Variants in SEMA5A observed in about 807,000 individuals in gnomAD.
The protein encoded by SEMA5A is semaphorin 5A, also known as semaphorin-5A.
Under a neutral mutation model 135.5 loss-of-function variants are expected in SEMA5A, and 55 were observed. The observed-to-expected ratio is 0.41, with a 90% CI of 0.33 to 0.51. The LOEUF (loss-of-function observed/expected upper bound fraction) is 0.51, where lower values mean the gene tolerates loss of function less well. SEMA5A is among the 20% of genes least tolerant of loss of function. The probability of loss-of-function intolerance (pLI) is 0.37; values close to 1 mark genes in which losing one functional copy is unlikely to be tolerated. For synonymous variants in SEMA5A, 580 were observed against 546.5 expected (o/e 1.06, Z -0.85); for missense variants, 1,290 against 1,419.9 (o/e 0.91, Z 1.47).
At position 9,048,351 on chromosome 5, in the gene SEMA5A, A is replaced by C. The variant is rs115911204; in HGVS notation, c.2893+2059T>G. On this transcript the variant is annotated intron_variant, in intron 21 of 22. Coordinates refer to ENST00000382496, the MANE Select transcript of SEMA5A (RefSeq NM_003966.3). ...CCTCTAAGTCTCATGGTCTCCATTT[A>C]TAAAATGCAGATTAAATACATAAGC... Among the ~76,000 whole-genome samples, 919 of 152,320 alleles carry C rather than the reference A, an allele frequency of 6.0e-3. 9 individuals carry two copies. The highest frequency in any genetic ancestry group is 0.021 in the African/African-American group (877 of 41,576).
intron 4 of SEMA5A, among the ~76,000 whole-genome samples, chr5:9,332,517 T>G (rs112337690): frequency 0.014 from 2,120 of 150,022 alleles, 41 homozygotes; most frequent in East Asian, 0.06. Flanking sequence ...CATGCAGCTA[T>G]GGGCTGGCAC....
At chr5:9,357,076 T>G (rs751230062) in intron 3 of SEMA5A, among the ~76,000 whole-genome samples, 3 of 152,212 alleles carry the variant, frequency 2.0e-5, no homozygotes, top group Non-Finnish European at 4.4e-5. Flanking sequence ...GTTTCCTACC[T>G]GAAGGTCACA....
intron 2 of SEMA5A, among the ~76,000 whole-genome samples, chr5:9,433,952 TACAATA>T (rs1483356435): frequency 6.6e-6 from 1 of 152,194 alleles, no homozygotes; most frequent in East Asian, 1.9e-4. Flanking sequence ...AAGAAAGTAT[TACAATA>T]ACAATTGCTA....
intron 6 of SEMA5A, among the ~76,000 whole-genome samples, chr5:9,230,939 A>T (rs1680790477): frequency 6.6e-6 from 1 of 152,210 alleles, no homozygotes; most frequent in Non-Finnish European, 1.5e-5. Flanking sequence ...CATCTCACGT[A>T]CTTCCCGTTC....
chr5:9,393,500 G>A (rs927194369), intron 2 of SEMA5A, among the ~76,000 whole-genome samples: 6 of 152,208 alleles, frequency 3.9e-5, no homozygotes, highest in South Asian at 2.1e-4. Flanking sequence ...TCAAATCTTC[G>A]CTCCACCATT....
chr5:9,520,488 G>C (rs1736767403), intron 1 of SEMA5A, among the ~76,000 whole-genome samples: 1 of 152,146 alleles, frequency 6.6e-6, no homozygotes, highest in Non-Finnish European at 1.5e-5. Context: ...AGGGTGGGTA[G>C]GGGGAGGACA....
intron 1 of SEMA5A, among the ~76,000 whole-genome samples, chr5:9,482,609 T>G (rs1742360797): frequency 6.6e-6 from 1 of 152,188 alleles, no homozygotes; most frequent in African/African-American, 2.4e-5. Flanking sequence ...AGCCCTTACC[T>G]GTGGTGTGTG....
intron 16 of SEMA5A, among the ~76,000 whole-genome samples, chr5:9,080,880 G>A (rs965457844): frequency 3.3e-5 from 5 of 152,184 alleles, no homozygotes; most frequent in East Asian, 1.9e-4. Context: ...AAGAAACCCC[G>A]AGATTCCCAC....
chr5:9,384,675 T>G lies in SEMA5A; in HGVS notation c.-77-4652A>C, dbSNP rs781232018. Among the ~76,000 whole-genome samples, 436 of 64,052 alleles carry G rather than the reference T, an allele frequency of 6.8e-3. 15 individuals carry two copies. Among genetic ancestry groups the G allele is most frequent in the African/African-American group, 0.011 (187 of 16,796 alleles). 42.0% of individuals were successfully genotyped at this position (64,052 alleles called of 152,430 possible). A position where few individuals can be genotyped will look rare whatever the true frequency, so the allele number is the denominator to read the frequency against. ...AGATAGATAGATATAGATAGATAGA[T>G]ATAGATAGATAGATAGATAGATAGA... On this transcript the variant is annotated intron_variant, in intron 2 of 22. Coordinates refer to ENST00000382496, the MANE Select transcript of SEMA5A (RefSeq NM_003966.3).
chr5:9,265,200 G>C (rs1414014950), intron 5 of SEMA5A, among the ~76,000 whole-genome samples: 2 of 152,064 alleles, frequency 1.3e-5, no homozygotes, highest in Non-Finnish European at 2.9e-5. Flanking sequence ...CTCCACGGTC[G>C]TGTGCTAGCT....
In SEMA5A at chr5:9,040,888, TG is replaced by T. The variant is rs1259815987; in HGVS notation, c.*2008del. 10 of 152,182 alleles carry T rather than the reference TG, an allele frequency of 6.6e-5. No homozygotes were observed. The highest frequency in any genetic ancestry group is 2.4e-4 in the African/African-American group (10 of 41,446). The allele number at this position is 152,182 out of a possible 1,614,324, so 9.4% of individuals were successfully genotyped here. ...ACTAAAATGTGCTACAAAGTGAAAA[TG>T]TTTTTTTCTTACAAGAAACTGATGA... is the stretch of plus-strand genomic sequence containing the variant. On this transcript the variant is annotated 3_prime_UTR_variant, in exon 23 of 23. Coordinates refer to ENST00000382496, the MANE Select transcript of SEMA5A (RefSeq NM_003966.3).
At position 9,054,202 on chromosome 5, in the gene SEMA5A, G is replaced by A. The variant is rs560391510; in HGVS notation, c.2574C>T (p.Gly858=). ...SPWTKCSATC[G]GGHYMRTRSC... is the part of the protein sequence containing the mutation. ...AGCGGGTCCTCATATAGTGTCCACC[G>A]CCGCATGTTGCTGAACATTTTGTCC... is the stretch of plus-strand genomic sequence containing the variant. Residue 858 remains glycine, a synonymous_variant, in exon 19 of 23, where the codon GGC becomes GGT. Coordinates refer to ENST00000382496, the MANE Select transcript of SEMA5A (RefSeq NM_003966.3). 5.8e-5 allele frequency: 93 copies of A among 1,613,958 alleles called. No homozygotes were observed. The highest frequency in any genetic ancestry group is 4.2e-4 in the South Asian group (38 of 91,046).
intron 1 of SEMA5A, among the ~76,000 whole-genome samples, chr5:9,478,229 G>A (rs147263897): frequency 3.9e-4 from 60 of 152,336 alleles, no homozygotes; most frequent in African/African-American, 1.4e-3. Context: ...TGGATGTCGA[G>A]GCATAAGTCA....
At chr5:9,359,071 T>TCAG (rs1359666343) in intron 3 of SEMA5A, among the ~76,000 whole-genome samples, 1 of 151,998 alleles carries the variant, frequency 6.6e-6, no homozygotes, top group East Asian at 1.9e-4. Flanking sequence ...CCCCAGATCC[T>TCAG]CAGCAGCAGC....
At chr5:9,188,247 G>A (rs1228965739) in intron 11 of SEMA5A, among the ~76,000 whole-genome samples, 1 of 152,222 alleles carries the variant, frequency 6.6e-6, no homozygotes, top group Admixed American at 6.5e-5. Context: ...ACCAGGAAAT[G>A]AGTCATCAGC....
intron 8 of SEMA5A, among the ~76,000 whole-genome samples, chr5:9,210,858 G>A (rs150078459): frequency 3.7e-4 from 56 of 152,238 alleles, no homozygotes; most frequent in African/African-American, 1.1e-3. Flanking sequence ...TAGCTACTGC[G>A]ACTCTTCCTT....
Position 9,042,712 on chromosome 5 carries a change from T to C in SEMA5A, c.*185A>G. 1.6e-6 allele frequency: 1 copy of C among 620,772 alleles called. No homozygotes were observed. Among genetic ancestry groups the C allele is most frequent in the Admixed American group, 3.4e-5 (1 of 29,522 alleles). 38.5% of individuals were successfully genotyped at this position (620,772 alleles called of 1,614,324 possible). On this transcript the variant is annotated 3_prime_UTR_variant, in exon 23 of 23. Coordinates refer to ENST00000382496, the MANE Select transcript of SEMA5A (RefSeq NM_003966.3). Reference sequence around the variant, plus strand: ...AACAATGGTCAAGATTTTCACGATGTCTTATTTCAATTTTTGTTGCTTTTA... The same window carrying C: ...AACAATGGTCAAGATTTTCACGATGCCTTATTTCAATTTTTGTTGCTTTTA...
intron 1 of SEMA5A, among the ~76,000 whole-genome samples, chr5:9,488,859 C>T (rs985176108): frequency 1.3e-5 from 2 of 152,146 alleles, no homozygotes; most frequent in Non-Finnish European, 2.9e-5. Flanking sequence ...CTTTCTGAAT[C>T]GAGCATATTT....
chr5:9,467,735 G>A (rs1487577658), intron 1 of SEMA5A, among the ~76,000 whole-genome samples: 4 of 152,286 alleles, frequency 2.6e-5, no homozygotes, highest in South Asian at 2.1e-4. Context: ...GGTGGGAGCC[G>A]GGGTGGGTGG....
Sources: allele counts gnomAD v4.1 joint callset (sites outside exome capture counted in the v4.1 genomes callset), GRCh38; gene constraint gnomAD v4.1.1; transcripts MANE v1.5; gene names NCBI Gene and HGNC (gene_info 2026-07-23, HGNC 2026-07-21).